Variants in KRABD5 observed in about 807,000 individuals in gnomAD.
KRABD5 encodes the protein KRAB domain-containing protein 5.
chr16:31,747,675 C>A, the KRABD5 span, among the ~76,000 whole-genome samples: 5,552 of 152,140 alleles, frequency 0.036, 275 homozygotes, highest in East Asian at 0.11. Context: ...TTTTAATGAT[C>A]GCCATTGTAA....
the KRABD5 span, among the ~76,000 whole-genome samples, chr16:31,752,048 A>G: frequency 1.3e-5 from 2 of 152,120 alleles, no homozygotes; most frequent in African/African-American, 2.4e-5. Flanking sequence ...TTTAATTTCT[A>G]TGCATTTCTG....
At chr16:31,757,637 G>A in the KRABD5 span, 4 of 152,142 alleles carry the variant, frequency 2.6e-5, no homozygotes, top group African/African-American at 9.7e-5. Flanking sequence ...ACAAGGATAT[G>A]CATTAGCAAT....
At chr16:31,756,894 A>G in the KRABD5 span, 1 of 152,232 alleles carries the variant, frequency 6.6e-6, no homozygotes, top group Non-Finnish European at 1.5e-5. Flanking sequence ...TCAAATGGAA[A>G]AGAAAATGAT....
the KRABD5 span, among the ~76,000 whole-genome samples, chr16:31,741,966 T>C: frequency 6.6e-6 from 1 of 152,130 alleles, no homozygotes; most frequent in Non-Finnish European, 1.5e-5. Context: ...TTTTTATATA[T>C]GGTGAAATGT....
the KRABD5 span, among the ~76,000 whole-genome samples, chr16:31,717,231 G>A: frequency 1.3e-5 from 2 of 151,500 alleles, no homozygotes; most frequent in African/African-American, 4.9e-5. Context: ...CCTGACTTCA[G>A]GTGATCTGCC....
chr16:31,724,589 G>T, the KRABD5 span, among the ~76,000 whole-genome samples: 3 of 151,852 alleles, frequency 2.0e-5, no homozygotes, highest in African/African-American at 7.3e-5. Context: ...CTACTCTGGA[G>T]TCTGAGGCAG....
chr16:31,723,312 C>T, the KRABD5 span: 1 of 1,613,896 alleles, frequency 6.2e-7, no homozygotes, highest in Non-Finnish European at 8.5e-7. Flanking sequence ...AGGAAAGAGC[C>T]CTGGAATGTG....
chr16:31,758,801 T>C, the KRABD5 span: 2 of 151,972 alleles, frequency 1.3e-5, no homozygotes, highest in Non-Finnish European at 2.9e-5. Flanking sequence ...AAGAAAAGTG[T>C]ATTTGCATAT....
the KRABD5 span, among the ~76,000 whole-genome samples, chr16:31,749,766 T>C: frequency 6.6e-6 from 1 of 152,182 alleles, no homozygotes; most frequent in African/African-American, 2.4e-5. Flanking sequence ...CATGCCAGCC[T>C]CCTAGTCAGT....
the KRABD5 span, among the ~76,000 whole-genome samples, chr16:31,724,050 A>G: frequency 6.6e-6 from 1 of 152,166 alleles, no homozygotes; most frequent in Non-Finnish European, 1.5e-5. Flanking sequence ...TCTTAACTAA[A>G]TGAATGTCTA....
At chr16:31,743,507 C>G in the KRABD5 span, among the ~76,000 whole-genome samples, 1 of 152,128 alleles carries the variant, frequency 6.6e-6, no homozygotes, top group Admixed American at 6.5e-5. Context: ...CAGTACCGTG[C>G]TGTTTTGGTT....
At chr16:31,734,285 G>T in the KRABD5 span, among the ~76,000 whole-genome samples, 1 of 151,134 alleles carries the variant, frequency 6.6e-6, no homozygotes, top group Non-Finnish European at 1.5e-5. Context: ...GGATCTCACT[G>T]TGTTACCCAG....
At chr16:31,713,653 C>G in the KRABD5 span, 1 of 631,854 alleles carries the variant, frequency 1.6e-6, no homozygotes, top group Non-Finnish European at 2.7e-6. Flanking sequence ...CTGCCATGGC[C>G]GGAGCCGTCT....
At chr16:31,738,420 CT>C in the KRABD5 span, among the ~76,000 whole-genome samples, 6 of 152,198 alleles carry the variant, frequency 3.9e-5, no homozygotes, top group East Asian at 1.2e-3. Flanking sequence ...TTATAGCTTC[CT>C]AGACAGTGAA....
At chr16:31,753,737 G>T in the KRABD5 span, 1 of 1,445,494 alleles carries the variant, frequency 6.9e-7, no homozygotes, top group South Asian at 1.6e-5. Flanking sequence ...TTAGTAATTG[G>T]AATTTTGAAA....
the KRABD5 span, among the ~76,000 whole-genome samples, chr16:31,747,221 A>G: frequency 3.0e-5 from 4 of 135,286 alleles, no homozygotes; most frequent in African/African-American, 1.1e-4. Flanking sequence ...ATTCCCACCT[A>G]TGAGTGAGAA....
At chr16:31,728,988 C>G in the KRABD5 span, among the ~76,000 whole-genome samples, 1 of 152,274 alleles carries the variant, frequency 6.6e-6, no homozygotes. Context: ...TTTAATTGCT[C>G]TATCCTCTAG....
chr16:31,752,665 TG>T, the KRABD5 span, among the ~76,000 whole-genome samples: 3 of 152,166 alleles, frequency 2.0e-5, no homozygotes, highest in Admixed American at 6.5e-5. Flanking sequence ...CAGGAATTTT[TG>T]ACCAGCCTAA....
At chr16:31,739,230 G>T in the KRABD5 span, among the ~76,000 whole-genome samples, 1 of 151,982 alleles carries the variant, frequency 6.6e-6, no homozygotes, top group African/African-American at 2.4e-5. Flanking sequence ...AGTTCTTTTA[G>T]AACAGATCTA....
Sources: gnomAD v4.1 joint callset for allele counts (sites outside exome capture counted in the v4.1 genomes callset) on GRCh38, gnomAD v4.1.1 for gene constraint, MANE v1.5 for transcripts, NCBI Gene and HGNC (gene_info 2026-07-23, HGNC 2026-07-21) for gene names.